Variants in ANO4 observed in about 807,000 individuals in gnomAD.
The protein encoded by ANO4 is anoctamin 4, also known as anoctamin-4.
In ANO4, 69 loss-of-function variants were observed where a neutral mutation model predicts 141.9. The observed-to-expected ratio is 0.49, with a 90% CI of 0.40 to 0.59. ANO4 has a LOEUF of 0.59. ANO4 is among the 20% of genes least tolerant of loss of function. The pLI is 0.00. For synonymous variants in ANO4, 350 were observed against 394.3 expected, an observed-to-expected ratio of 0.89 and a Z score of 1.33; for missense variants, 894 against 1,162.2, an observed-to-expected ratio of 0.77 and a Z score of 3.36.
chr12:101,068,611 C>G, intron 14 of ANO4: 1 of 1,418,032 alleles, frequency 7.1e-7, no homozygotes, highest in Non-Finnish European at 9.9e-7. Flanking sequence ...TGATGCAGTC[C>G]TTTTTACTGG....
At chr12:100,974,981 G>C in intron 7 of ANO4, 92 bp downstream of exon 7, 1 of 1,448,940 alleles carries the variant, frequency 6.9e-7, no homozygotes, top group South Asian at 1.1e-5. Flanking sequence ...GGGAAGATGA[G>C]CCTGTGTCAC....
intron 5 of ANO4, among the ~76,000 whole-genome samples, chr12:100,948,098 C>G (rs1268181079): frequency 7.3e-6 from 1 of 137,172 alleles, no homozygotes; most frequent in Non-Finnish European, 1.5e-5. Flanking sequence ...GGAGGCTGAG[C>G]TGAGATCATG....
chr12:101,039,687 C>T (rs2047341147), intron 10 of ANO4, among the ~76,000 whole-genome samples: 1 of 152,204 alleles, frequency 6.6e-6, no homozygotes, highest in African/African-American at 2.4e-5. Flanking sequence ...TGCCCAGGAT[C>T]TTCTAGCTGA....
intron 1 of ANO4, among the ~76,000 whole-genome samples, chr12:100,901,217 T>C (rs1350675228): frequency 6.6e-6 from 1 of 152,236 alleles, no homozygotes; most frequent in Non-Finnish European, 1.5e-5. Context: ...GTTTGAAATA[T>C]TTCCAAATAA....
chr12:100,901,925 C>G, intron 2 of ANO4, 85 bp downstream of exon 2: 1 of 1,285,286 alleles, frequency 7.8e-7, no homozygotes, highest in Non-Finnish European at 1.1e-6. Flanking sequence ...TGTAAATATG[C>G]CATACTTTCA....
At chr12:100,926,173 C>T (rs1282793441) in intron 3 of ANO4, among the ~76,000 whole-genome samples, 2 of 152,028 alleles carry the variant, frequency 1.3e-5, no homozygotes, top group Non-Finnish European at 2.9e-5. Context: ...AACTACTTTG[C>T]ATTTTTAAAG....
At chr12:100,995,511 C>T (rs188110316) in intron 8 of ANO4, among the ~76,000 whole-genome samples, 2 of 152,308 alleles carry the variant, frequency 1.3e-5, no homozygotes, top group African/African-American at 2.4e-5. Context: ...CAACTGCAGT[C>T]ATCCGTGTGA....
At chr12:100,766,915 C>T (rs540590176) in intron 3 of ANO4, among the ~76,000 whole-genome samples, 7 of 152,188 alleles carry the variant, frequency 4.6e-5, no homozygotes, top group African/African-American at 1.2e-4. Flanking sequence ...TATATATTTA[C>T]AATTGTTGTA....
chr12:101,047,938 G>T, intron 13 of ANO4: 1 of 884,538 alleles, frequency 1.1e-6, no homozygotes, highest in South Asian at 5.2e-5. Flanking sequence ...GTGAATAAAT[G>T]AGGCATTAAA....
intron 5 of ANO4, among the ~76,000 whole-genome samples, chr12:100,948,013 C>A (rs1327783920): frequency 6.6e-6 from 1 of 151,920 alleles, no homozygotes; most frequent in Non-Finnish European, 1.5e-5. Flanking sequence ...GAAACCCTGT[C>A]TTTACTAAAA....
chr12:100,801,146 G>A (rs1046346731), intron 1 of ANO4, among the ~76,000 whole-genome samples: 2 of 150,188 alleles, frequency 1.3e-5, no homozygotes, highest in African/African-American at 5.0e-5. Flanking sequence ...TTTGTTTCTT[G>A]AGGGCAGGGA....
chr12:101,063,234 A>G (rs915945414), intron 14 of ANO4, among the ~76,000 whole-genome samples: 7 of 152,120 alleles, frequency 4.6e-5, no homozygotes, highest in Non-Finnish European at 1.0e-4. Context: ...AACCAGTCCC[A>G]ATGAGATGAG....
chr12:100,919,230 A>G (rs899789558), intron 2 of ANO4, among the ~76,000 whole-genome samples: 1 of 152,168 alleles, frequency 6.6e-6, no homozygotes, highest in South Asian at 2.1e-4. Context: ...TTTTAAATAA[A>G]TTTAATGTGG....
At chr12:101,001,706 G>A (rs2136403825) in intron 8 of ANO4, among the ~76,000 whole-genome samples, 1 of 152,250 alleles carries the variant, frequency 6.6e-6, no homozygotes, top group Admixed American at 6.5e-5. Context: ...ACCTACCTGA[G>A]TTGCACAGTT....
intron 5 of ANO4, among the ~76,000 whole-genome samples, chr12:100,947,139 AATG>A (rs1172449661): frequency 3.9e-5 from 6 of 152,170 alleles, no homozygotes; most frequent in African/African-American, 1.4e-4. Context: ...AGAGAAATAG[AATG>A]ATAACTGGAG....
intron 8 of ANO4, among the ~76,000 whole-genome samples, chr12:101,008,978 A>G (rs1262231863): frequency 6.6e-6 from 1 of 151,778 alleles, no homozygotes; most frequent in Admixed American, 6.6e-5. Flanking sequence ...TTTTTATTGT[A>G]CCCTCATTTT....
intron 26 of ANO4, among the ~76,000 whole-genome samples, chr12:101,126,627 C>T (rs2051326532): frequency 6.6e-6 from 1 of 152,164 alleles, no homozygotes; most frequent in Non-Finnish European, 1.5e-5. Flanking sequence ...ATTCTTCTGG[C>T]TCTCCTTTGA....
At chr12:101,076,496 T>A (rs2136837215) in intron 14 of ANO4, among the ~76,000 whole-genome samples, 1 of 152,276 alleles carries the variant, frequency 6.6e-6, no homozygotes, top group African/African-American at 2.4e-5. Flanking sequence ...ATGGTTAGAA[T>A]CTCTGTTTCC....
intron 17 of ANO4, among the ~76,000 whole-genome samples, chr12:101,089,599 C>T (rs2049665444): frequency 1.3e-5 from 2 of 152,132 alleles, no homozygotes; most frequent in South Asian, 4.2e-4. Context: ...TGAATTAATG[C>T]CTACTATATT....
Sources: gnomAD v4.1 joint callset for allele counts (sites outside exome capture counted in the v4.1 genomes callset) on GRCh38, gnomAD v4.1.1 for gene constraint, MANE v1.5 for transcripts, NCBI Gene and HGNC (gene_info 2026-07-23, HGNC 2026-07-21) for gene names.